Variants in MYO16 observed in about 807,000 individuals in gnomAD.
The protein encoded by MYO16 is unconventional myosin-XVI.
In MYO16, 94 loss-of-function variants were observed where a neutral mutation model predicts 205.3. The observed-to-expected ratio is 0.46, with a 90% confidence interval of 0.39 to 0.54. The LOEUF (loss-of-function observed/expected upper bound fraction) is 0.54. Ranked by LOEUF, MYO16 falls within the 20% of genes least tolerant of loss-of-function variation. MYO16 has a pLI of 0.00. For synonymous variants in MYO16, 988 were observed against 954.0 expected (o/e 1.04, Z -0.66); for missense variants, 2,315 against 2,387.5 (o/e 0.97, Z 0.63).
At chr13:108,973,953 A>T (rs1884154531) in intron 20 of MYO16, among the ~76,000 whole-genome samples, 1 of 152,170 alleles carries the variant, frequency 6.6e-6, no homozygotes, top group African/African-American at 2.4e-5. Flanking sequence ...TAAAAAAAAA[A>T]ACTCCCAGTG....
intron 15 of MYO16, among the ~76,000 whole-genome samples, chr13:108,905,602 G>A (rs754988774): frequency 3.3e-5 from 5 of 152,160 alleles, no homozygotes; most frequent in Non-Finnish European, 5.9e-5. Context: ...TCCTCTTCTG[G>A]AATATTGATT....
Position 108,883,148 on chromosome 13 carries a change from G to C in MYO16, c.1515G>C (p.Gln505His). The C allele has an allele frequency of 1.2e-6, 2 of 1,613,954 alleles. No homozygotes were observed. Among genetic ancestry groups the C allele is most frequent in the Non-Finnish European group, 1.7e-6 (2 of 1,179,896 alleles). ...LFSCVERAFH[Q>H]LFREQRPQCF... ...CCTGTGTGGAGAGAGCCTTTCACCA[G>C]CTCTTCCGGGAACAGCGGCCTCAGT... Residue 505 changes from glutamine to histidine, a missense_variant, in exon 13 of 35, where the codon CAG (glutamine) becomes CAC (histidine). Gln to His is a conservative substitution (Grantham distance 24, BLOSUM62 0). Coordinates refer to ENST00000457511, the MANE Select transcript of MYO16 (RefSeq NM_001198950.3).
intron 23 of MYO16, among the ~76,000 whole-genome samples, chr13:109,027,079 A>G (rs1462816008): frequency 1.3e-5 from 2 of 152,134 alleles, no homozygotes; most frequent in Admixed American, 1.3e-4. Context: ...TTCAAAGTCA[A>G]GTGTTGGCAG....
At chr13:108,871,881 A>G (rs1300335424) in intron 12 of MYO16, among the ~76,000 whole-genome samples, 1 of 152,114 alleles carries the variant, frequency 6.6e-6, no homozygotes, top group Non-Finnish European at 1.5e-5. Flanking sequence ...TGATTTTACT[A>G]TCCCTGCCAT....
chr13:108,982,790 G>A (rs1884489602), intron 20 of MYO16, among the ~76,000 whole-genome samples: 1 of 152,100 alleles, frequency 6.6e-6, no homozygotes, highest in African/African-American at 2.4e-5. Context: ...TCTTTGGCTT[G>A]TTTTTGATCT....
intron 11 of MYO16, among the ~76,000 whole-genome samples, chr13:108,861,837 G>T (rs145305049): frequency 2.4e-4 from 35 of 148,670 alleles, no homozygotes; most frequent in African/African-American, 8.3e-4. Context: ...ATGTATTCAC[G>T]ATATTCTTTT....
At chr13:108,566,665 A>G in the MYO16 span, among the ~76,000 whole-genome samples, 4 of 149,778 alleles carry the variant, frequency 2.7e-5, no homozygotes, top group African/African-American at 5.0e-5. Context: ...AAAGAAGGAA[A>G]GAAGGAAGGA....
At chr13:109,174,663 T>G (rs1879079140) in intron 33 of MYO16, among the ~76,000 whole-genome samples, 1 of 152,088 alleles carries the variant, frequency 6.6e-6, no homozygotes, top group Non-Finnish European at 1.5e-5. Context: ...AAATGACAGA[T>G]TTGACTAATA....
intron 4 of MYO16, among the ~76,000 whole-genome samples, chr13:108,729,300 G>A (rs1328002837): frequency 1.3e-5 from 2 of 152,078 alleles, no homozygotes; most frequent in Non-Finnish European, 2.9e-5. Flanking sequence ...ATCGCCTTTC[G>A]AGTAATGCTG....
the MYO16 span, among the ~76,000 whole-genome samples, chr13:108,571,979 G>A: frequency 6.7e-4 from 101 of 151,360 alleles, no homozygotes; most frequent in Middle Eastern, 6.8e-3. Flanking sequence ...GGAGTTCAGA[G>A]GTGCAGTCAC....
chr13:108,975,119 T>C (rs1417279984), intron 20 of MYO16, among the ~76,000 whole-genome samples: 1 of 152,148 alleles, frequency 6.6e-6, no homozygotes, highest in Admixed American at 6.5e-5. Flanking sequence ...GTAAAATCCT[T>C]GGTATGCTTG....
chr13:108,812,825 G>A (rs1334814952), intron 7 of MYO16, among the ~76,000 whole-genome samples: 1 of 152,064 alleles, frequency 6.6e-6, no homozygotes, highest in African/African-American at 2.4e-5. Flanking sequence ...TCTCTCTCCT[G>A]CTTTTCCACC....
In MYO16 at chr13:108,765,310, T is replaced by A. The variant is rs1885743387; in HGVS notation, c.508-20325T>A. ...CTACTTTTATATACATTTTTACTAC[T>A]TTTTTCTAATGATATTACACTATTC... On this transcript the variant is annotated intron_variant, in intron 4 of 34. Coordinates refer to ENST00000457511, the MANE Select transcript of MYO16 (RefSeq NM_001198950.3). Among the ~76,000 whole-genome samples the A allele has an allele frequency of 3.3e-5, 5 of 152,220 alleles. No homozygotes were observed. In the South Asian group the frequency reaches 1.0e-3, roughly 31 times the overall value.
rs967720072 is a variant in MYO16 at position 109,162,408 on chromosome 13, T to C, written c.5165-2493T>C. ...GGTGGTTTCCCAGGCCCTGACTCAT[T>C]AGTACCTGGTTTCTTGAACATGGTG... On this transcript the variant is annotated intron_variant, in intron 32 of 34. Coordinates refer to ENST00000457511, the MANE Select transcript of MYO16 (RefSeq NM_001198950.3). The surrounding 1 kb of genome is among the most constrained non-coding windows in gnomAD (Gnocchi z 4.6). 1.3e-5 allele frequency among the ~76,000 whole-genome samples: 2 copies of C among 152,192 alleles called. No individual in the cohort carries two copies. Among genetic ancestry groups the C allele is most frequent in the Non-Finnish European group, 2.9e-5 (2 of 68,040 alleles).
intron 16 of MYO16, among the ~76,000 whole-genome samples, chr13:108,941,416 A>G (rs1437324572): frequency 2.6e-5 from 4 of 152,022 alleles, no homozygotes; most frequent in Non-Finnish European, 5.9e-5. Flanking sequence ...ATGAGCTATT[A>G]AAGTGCATGA....
chr13:108,932,049 G>GC (rs1882280170), intron 16 of MYO16, among the ~76,000 whole-genome samples: 2 of 152,220 alleles, frequency 1.3e-5, no homozygotes, highest in Non-Finnish European at 2.9e-5. Context: ...TTTCTGCAGT[G>GC]CTTTCTTACA....
At position 108,782,229 on chromosome 13, in the gene MYO16, G is replaced by A. The variant is rs539038561; in HGVS notation, c.508-3406G>A. ...ATATGAACAATAAGTTCCAGACTGAGGTGGCCTCAGATGGAGTTGAGGAAT... is the reference window on the plus strand; with the variant it reads ...ATATGAACAATAAGTTCCAGACTGAAGTGGCCTCAGATGGAGTTGAGGAAT... On this transcript the variant is annotated intron_variant, in intron 4 of 34. Transcript: ENST00000457511. 9.8e-5 allele frequency among the ~76,000 whole-genome samples: 15 copies of A among 152,328 alleles called. No homozygotes were observed. In the South Asian group the frequency reaches 1.0e-3, roughly 11 times the overall value.
intron 14 of MYO16, among the ~76,000 whole-genome samples, chr13:108,895,318 ATTG>A (rs1880362733): frequency 6.6e-6 from 1 of 152,030 alleles, no homozygotes; most frequent in Admixed American, 6.6e-5. Context: ...CAACGTTGTC[ATTG>A]TTGTTTTTGA....
intron 27 of MYO16, among the ~76,000 whole-genome samples, chr13:109,087,673 G>A (rs374193849): frequency 7.2e-5 from 11 of 152,094 alleles, no homozygotes; most frequent in African/African-American, 1.9e-4. Context: ...ACTCCACAAC[G>A]CTCTTTAGCC....
Sources: allele counts gnomAD v4.1 joint callset (sites outside exome capture counted in the v4.1 genomes callset), GRCh38; gene constraint gnomAD v4.1.1; non-coding constraint Gnocchi (gnomAD v3.1); transcripts MANE v1.5; gene names NCBI Gene and HGNC (gene_info 2026-07-23, HGNC 2026-07-21).